The following TTC33 variants were observed in gnomAD, a reference collection of about 807,000 sequenced individuals.
The protein encoded by TTC33 is tetratricopeptide repeat protein 33.
A neutral mutation model predicts 29.4 loss-of-function variants in TTC33; 24 were observed. The observed-to-expected ratio is 0.82, with a 90% CI of 0.59 to 1.15. The LOEUF (loss-of-function observed/expected upper bound fraction) is 1.15, where lower values mean the gene tolerates loss of function less well. TTC33 is among the 50% of genes most tolerant of loss of function. TTC33 has a pLI of 0.00. For missense variants in TTC33, 286 were observed against 310.4 expected (o/e 0.92, Z 0.59); for synonymous variants, 107 against 100.3 (o/e 1.07, Z -0.40).
chr5:40,752,553 A>G (rs1226768726), intron 1 of TTC33, among the ~76,000 whole-genome samples: 2 of 152,202 alleles, frequency 1.3e-5, no homozygotes, highest in Admixed American at 6.5e-5. Flanking sequence ...AGGGAGACCC[A>G]AGGAGAAGAA....
At chr5:40,752,853 C>A (rs1304660806) in intron 1 of TTC33, among the ~76,000 whole-genome samples, 1 of 152,000 alleles carries the variant, frequency 6.6e-6, no homozygotes, top group East Asian at 1.9e-4. Flanking sequence ...TTGCAATGTG[C>A]AAAAACGCAG....
chr5:40,742,508 G>A (rs1185478939), intron 2 of TTC33, among the ~76,000 whole-genome samples: 1 of 152,162 alleles, frequency 6.6e-6, no homozygotes, highest in Non-Finnish European at 1.5e-5. Flanking sequence ...CTGGTCAACA[G>A]CAGAACTAGG....
chr5:40,712,941 T>G lies in TTC33; in HGVS notation c.*3204A>C, dbSNP rs549934765. On this transcript the variant is annotated 3_prime_UTR_variant, in exon 5 of 5. Transcript: ENST00000337702. ...GTAACCATATTTAATTGCAAGTGAC[T>G]AAGGTAAATGACTTTAGGGATAACC... Among the ~76,000 whole-genome samples, 1 of 152,288 alleles carries G rather than the reference T, an allele frequency of 6.6e-6. No individual in the cohort carries two copies. Among genetic ancestry groups the G allele is most frequent in the South Asian group, 2.1e-4 (1 of 4,826 alleles).
rs1227198485 is a variant in TTC33, at chr5:40,712,348, T to A, written c.*3797A>T. Among the ~76,000 whole-genome samples the A allele has an allele frequency of 6.6e-6, 1 of 152,192 alleles. No homozygotes were observed. The highest frequency in any genetic ancestry group is 2.4e-5 in the African/African-American group (1 of 41,468). Reference sequence around the variant, plus strand: ...ATCTCATGCTTACTTCGAAATATAATCTGCACTAGTCTTTGTTAAAGTTTG... The same window carrying A: ...ATCTCATGCTTACTTCGAAATATAAACTGCACTAGTCTTTGTTAAAGTTTG... On this transcript the variant is annotated 3_prime_UTR_variant, in exon 5 of 5. Transcript: ENST00000337702.
rs1741979207 is a variant in TTC33 at position 40,715,443 on chromosome 5, T to C, written c.*702A>G. 6.6e-6 allele frequency: 1 copy of C among 152,374 alleles called. No homozygotes were observed. Among genetic ancestry groups the C allele is most frequent in the East Asian group, 1.9e-4 (1 of 5,332 alleles). 9.4% of individuals were successfully genotyped at this position (152,374 alleles called of 1,614,324 possible). ...TGGTAAGGATTACTTACTGTAACAA[T>C]TAAAAAATAAAACCATCATTCTCAT... is the stretch of plus-strand genomic sequence containing the variant. On this transcript the variant is annotated 3_prime_UTR_variant, in exon 5 of 5. Transcript: ENST00000337702.
intron 2 of TTC33, among the ~76,000 whole-genome samples, chr5:40,742,224 G>A (rs1045546395): frequency 2.0e-4 from 30 of 151,942 alleles, no homozygotes; most frequent in Admixed American, 4.6e-4. Flanking sequence ...TTTTGTATCC[G>A]TTATTGGATT....
At chr5:40,735,986 T>G (rs1334605617) in intron 2 of TTC33, among the ~76,000 whole-genome samples, 1 of 152,188 alleles carries the variant, frequency 6.6e-6, no homozygotes, top group Non-Finnish European at 1.5e-5. Flanking sequence ...AGAAGCTTTT[T>G]AAATGGATGT....
At chr5:40,750,935 T>G (rs768995935) in intron 1 of TTC33, among the ~76,000 whole-genome samples, 18 of 152,242 alleles carry the variant, frequency 1.2e-4, no homozygotes, top group Non-Finnish European at 2.2e-4. Flanking sequence ...TATCTTACTA[T>G]TTCCACCACA....
intron 1 of TTC33, among the ~76,000 whole-genome samples, chr5:40,753,588 G>A (rs1012065073): frequency 6.6e-6 from 1 of 152,070 alleles, no homozygotes; most frequent in African/African-American, 2.4e-5. Context: ...GTATTGTAGG[G>A]GAAGATGGCT....
At chr5:40,737,973 G>A (rs570103906) in intron 2 of TTC33, among the ~76,000 whole-genome samples, 1 of 152,242 alleles carries the variant, frequency 6.6e-6, no homozygotes, top group South Asian at 2.1e-4. Flanking sequence ...GAACATTTAG[G>A]TTGTCCCAGT....
At chr5:40,735,458 A>G (rs1159240183) in intron 2 of TTC33, among the ~76,000 whole-genome samples, 1 of 152,212 alleles carries the variant, frequency 6.6e-6, no homozygotes, top group Non-Finnish European at 1.5e-5. Context: ...TGAAAAAAAG[A>G]AAGAAATCCA....
At chr5:40,749,408 A>G (rs1579693379) in intron 1 of TTC33, among the ~76,000 whole-genome samples, 2 of 152,314 alleles carry the variant, frequency 1.3e-5, no homozygotes, top group East Asian at 3.9e-4. Flanking sequence ...CTATAACCAC[A>G]AGGAGATTTT....
rs1364258267 is a variant in TTC33 at position 40,728,495 on chromosome 5, C to T, written c.304-19G>A. On this transcript the variant is annotated intron_variant, in intron 3 of 4. Coordinates refer to ENST00000337702, the MANE Select transcript of TTC33 (RefSeq NM_012382.3). The stretch of plus-strand genomic sequence containing the variant: ...TTAGCACCTATAGGCAAAAAAAGAC[C>T]AAAAAATCTGTCAGTAATATTCATA... 6.4e-7 allele frequency: 1 copy of T among 1,572,418 alleles called. No homozygotes were observed. The highest frequency in any genetic ancestry group is 8.6e-7 in the Non-Finnish European group (1 of 1,163,590).
chr5:40,750,019 C>T (rs1440772645), intron 1 of TTC33, among the ~76,000 whole-genome samples: 2 of 149,188 alleles, frequency 1.3e-5, no homozygotes, highest in Non-Finnish European at 3.0e-5. Context: ...ACTCGGGAGG[C>T]AGAGGTTGCA....
At position 40,742,678 on chromosome 5, in the gene TTC33, T is replaced by A. The variant is rs181653665; in HGVS notation, c.221+4120A>T. Among the ~76,000 whole-genome samples the A allele has an allele frequency of 4.1e-3, 629 of 152,206 alleles. 3 individuals are homozygous for A. The highest frequency in any genetic ancestry group is 0.015 in the African/African-American group (603 of 41,536). Reference sequence around the variant, plus strand: ...GAGAAAAAGAATCCTGCCATCCTTGTGAGATTAAAAAAAGAAGAAAAAGAA... The same window carrying A: ...GAGAAAAAGAATCCTGCCATCCTTGAGAGATTAAAAAAAGAAGAAAAAGAA... On this transcript the variant is annotated intron_variant, in intron 2 of 4. Coordinates refer to ENST00000337702, the MANE Select transcript of TTC33 (RefSeq NM_012382.3).
At chr5:40,728,564 AT>A in intron 3 of TTC33, 88 bp from the exon 4 acceptor site, 1 of 1,279,494 alleles carries the variant, frequency 7.8e-7, no homozygotes. Context: ...TTTAAGATAT[AT>A]TTTTAGTCCA....
chr5:40,738,604 T>TAAAATAAAAA (rs1742624122), intron 2 of TTC33, among the ~76,000 whole-genome samples: 1 of 141,408 alleles, frequency 7.1e-6, no homozygotes, highest in Admixed American at 6.9e-5. Flanking sequence ...TAAAATAAAA[T>TAAAATAAAAA]AAAAAAGTGA....
chr5:40,736,201 G>C (rs1742547161), intron 2 of TTC33, among the ~76,000 whole-genome samples: 1 of 152,152 alleles, frequency 6.6e-6, no homozygotes, highest in South Asian at 2.1e-4. Flanking sequence ...AAGGTTGGAA[G>C]ATGTGCTGGT....
intron 4 of TTC33, among the ~76,000 whole-genome samples, chr5:40,727,920 A>G (rs550314963): frequency 6.6e-6 from 1 of 152,292 alleles, no homozygotes; most frequent in South Asian, 2.1e-4. Flanking sequence ...TTAAGAAGTA[A>G]TTTGCTAATT....
Sources: allele counts gnomAD v4.1 joint callset (sites outside exome capture counted in the v4.1 genomes callset), GRCh38; gene constraint gnomAD v4.1.1; transcripts MANE v1.5; gene names NCBI Gene and HGNC (gene_info 2026-07-23, HGNC 2026-07-21).